LTBP1: variants seen among roughly 807,000 people sequenced by gnomAD.
LTBP1 encodes the protein latent-transforming growth factor beta-binding protein 1.
LTBP1 carries 129 observed loss-of-function variants against 207.6 expected under a neutral mutation model. The observed-to-expected ratio is 0.62, with a 90% CI of 0.54 to 0.72. The LOEUF (loss-of-function observed/expected upper bound fraction) is 0.72, where lower values mean the gene tolerates loss of function less well. LTBP1 is among the 30% of genes least tolerant of loss of function. LTBP1 has a pLI of 0.00. For missense variants in LTBP1, 2,281 were observed against 2,217.2 expected, an observed-to-expected ratio of 1.03 and a Z score of -0.58; for synonymous variants, 963 against 833.7, an observed-to-expected ratio of 1.16 and a Z score of -2.67.
chr2:33,331,267 T>C (rs1229962077), intron 24 of LTBP1, among the ~76,000 whole-genome samples: 1 of 151,718 alleles, frequency 6.6e-6, no homozygotes, highest in East Asian at 1.9e-4. Flanking sequence ...ATTTACACTT[T>C]GGGGTTTAAA....
At chr2:33,332,713 T>A (rs1443265354) in intron 24 of LTBP1, among the ~76,000 whole-genome samples, 1 of 152,008 alleles carries the variant, frequency 6.6e-6, no homozygotes, top group East Asian at 1.9e-4. Context: ...CCCACCACCA[T>A]GCCCAGCTAA....
intron 5 of LTBP1, among the ~76,000 whole-genome samples, chr2:33,170,494 C>G (rs1183257791): frequency 6.6e-6 from 1 of 152,244 alleles, no homozygotes; most frequent in Non-Finnish European, 1.5e-5. Flanking sequence ...GTAAACACAG[C>G]AGCCTGGAAG....
chr2:33,304,124 T>C (rs1347248920), intron 22 of LTBP1, among the ~76,000 whole-genome samples: 1 of 152,248 alleles, frequency 6.6e-6, no homozygotes, highest in African/African-American at 2.4e-5. Flanking sequence ...TCATTATTAA[T>C]GTATATAAGA....
At chr2:33,029,707 G>C (rs62135745) in intron 3 of LTBP1, among the ~76,000 whole-genome samples, 10,824 of 152,132 alleles carry the variant, frequency 0.071, 430 homozygotes, top group Middle Eastern at 0.099. Flanking sequence ...TCCTTGCATC[G>C]TTTACATGTC....
intron 24 of LTBP1, among the ~76,000 whole-genome samples, chr2:33,339,640 A>G (rs575171163): frequency 1.1e-3 from 168 of 151,082 alleles, no homozygotes; most frequent in African/African-American, 3.9e-3. Flanking sequence ...AAATAATTTC[A>G]TTGATTTGTC....
At position 33,365,658 on chromosome 2, in the gene LTBP1, A is replaced by G. The variant is rs559234206; in HGVS notation, c.4711+155A>G. Among the ~76,000 whole-genome samples the G allele has an allele frequency of 5.0e-3, 704 of 141,962 alleles. 4 individuals are homozygous for G. Among genetic ancestry groups the G allele is most frequent in the Non-Finnish European group, 8.2e-3 (545 of 66,300 alleles). 93.1% of individuals were successfully genotyped at this position (141,962 alleles called of 152,430 possible). The stretch of plus-strand genomic sequence containing the variant: ...GTGTGTGTGTGTGTGTGTAGGGCAG[A>G]ACTGCATAAACATTTGGCTCCTGGT... On this transcript the variant is annotated intron_variant, in intron 31 of 33. Coordinates refer to ENST00000404816, the MANE Select transcript of LTBP1 (RefSeq NM_206943.4).
At chr2:33,077,614 A>T (rs189399993) in intron 3 of LTBP1, among the ~76,000 whole-genome samples, 41 of 152,308 alleles carry the variant, frequency 2.7e-4, no homozygotes, top group African/African-American at 8.9e-4. Flanking sequence ...TAAATCATTT[A>T]TGAAGAGTCC....
At chr2:33,348,802 A>C (rs1265533475) in intron 26 of LTBP1, among the ~76,000 whole-genome samples, 1 of 152,250 alleles carries the variant, frequency 6.6e-6, no homozygotes, top group African/African-American at 2.4e-5. Context: ...CACTCTGTAG[A>C]GGAAGGGAGA....
chr2:33,217,420 A>T, intron 7 of LTBP1, 132 bp from the exon 8 acceptor site: 1 of 534,120 alleles, frequency 1.9e-6, no homozygotes, highest in Non-Finnish European at 3.4e-6. Context: ...CAAGTTTTAT[A>T]GTTTTTTTCC....
At chr2:33,220,810 T>C (rs999610964) in intron 8 of LTBP1, among the ~76,000 whole-genome samples, 1 of 152,208 alleles carries the variant, frequency 6.6e-6, no homozygotes, top group Non-Finnish European at 1.5e-5. Flanking sequence ...TCTCCCGTCT[T>C]TTAATTTGCC....
chr2:33,081,140 T>G (rs1221151109), intron 3 of LTBP1, among the ~76,000 whole-genome samples: 1 of 152,102 alleles, frequency 6.6e-6, no homozygotes, highest in Admixed American at 6.5e-5. Context: ...AAAGCCCCTT[T>G]GTTCAGTTCT....
At chr2:33,393,937 A>G (rs965312392) in intron 32 of LTBP1, among the ~76,000 whole-genome samples, 47 of 151,516 alleles carry the variant, frequency 3.1e-4, no homozygotes, top group Admixed American at 5.3e-4. Context: ...ATTTCTCCAC[A>G]TCCTCTCCAG....
chr2:33,025,980 C>T (rs1573165182), intron 3 of LTBP1, among the ~76,000 whole-genome samples: 3 of 152,040 alleles, frequency 2.0e-5, no homozygotes, highest in Non-Finnish European at 1.5e-5. Context: ...CTGGGATATT[C>T]CTTGAAGTAT....
At chr2:33,172,772 A>G (rs2085595062) in intron 5 of LTBP1, among the ~76,000 whole-genome samples, 1 of 152,230 alleles carries the variant, frequency 6.6e-6, no homozygotes, top group African/African-American at 2.4e-5. Context: ...CTCCTCAGCA[A>G]ATGTAAAAGA....
chr2:33,372,172 G>A (rs1021098491), intron 31 of LTBP1, among the ~76,000 whole-genome samples: 1 of 152,190 alleles, frequency 6.6e-6, no homozygotes, highest in Non-Finnish European at 1.5e-5. Flanking sequence ...TCACGTACCA[G>A]TAAGTGGAAG....
rs761703878 is a variant in LTBP1 at position 33,252,709 on chromosome 2, C to G, written c.2032C>G (p.Pro678Ala). 10 of 1,612,946 alleles carry G rather than the reference C, an allele frequency of 6.2e-6. No individual in the cohort carries two copies. The highest frequency in any genetic ancestry group is 1.6e-4 in the Middle Eastern group (1 of 6,082). ...DPPVISEEKG[P>A]CYRLVSSGRQ... Reference sequence around the variant, plus strand: ...CCCTGTGATCTCGGAAGAGAAAGGGCCCTGTTACCGACTTGTCAGTTCTGG... The same window carrying G: ...CCCTGTGATCTCGGAAGAGAAAGGGGCCTGTTACCGACTTGTCAGTTCTGG... The change falls in exon 11 of 34, where the codon CCC (proline) becomes GCC (alanine). Residue 678 changes from proline to alanine, a missense_variant. Transcript: ENST00000404816.
chr2:33,306,372 C>G (rs892900939), intron 22 of LTBP1, among the ~76,000 whole-genome samples: 3 of 151,426 alleles, frequency 2.0e-5, no homozygotes, highest in African/African-American at 7.3e-5. Context: ...GAGTTCGAGA[C>G]CAGCCTGGCC....
At chr2:33,307,306 A>G (rs766049378) in intron 22 of LTBP1, among the ~76,000 whole-genome samples, 3 of 152,244 alleles carry the variant, frequency 2.0e-5, no homozygotes, top group Non-Finnish European at 4.4e-5. Context: ...AGGTAAAATC[A>G]TATGTTCACA....
chr2:33,127,787 T>C (rs1418712782), intron 4 of LTBP1, among the ~76,000 whole-genome samples: 1 of 152,076 alleles, frequency 6.6e-6, no homozygotes, highest in Non-Finnish European at 1.5e-5. Context: ...GGAAGGAGTA[T>C]TTTAGTTGAG....
Sources: allele counts gnomAD v4.1 joint callset (sites outside exome capture counted in the v4.1 genomes callset), GRCh38; gene constraint gnomAD v4.1.1; transcripts MANE v1.5; gene names NCBI Gene and HGNC (gene_info 2026-07-23, HGNC 2026-07-21).